The following DSE variants were observed in gnomAD, a reference collection of about 807,000 sequenced individuals.
DSE encodes the protein dermatan-sulfate epimerase.
In DSE, 36 loss-of-function variants were observed where a neutral mutation model predicts 84.4. The ratio of observed to expected loss-of-function variants is 0.43; its 90% CI spans 0.33 to 0.56. The LOEUF (loss-of-function observed/expected upper bound fraction) is 0.56. Among genes scored for constraint, DSE ranks in the 20% least tolerant of loss-of-function variants. The probability of loss-of-function intolerance (pLI) is 0.06; values close to 1 mark genes in which losing one functional copy is unlikely to be tolerated. For synonymous variants in DSE, 410 were observed against 430.1 expected, an observed-to-expected ratio of 0.95 and a Z score of 0.58; for missense variants, 862 against 1,169.6, an observed-to-expected ratio of 0.74 and a Z score of 3.84.
intron 1 of DSE, among the ~76,000 whole-genome samples, chr6:116,373,572 T>G (rs936343903): frequency 1.3e-5 from 2 of 152,164 alleles, no homozygotes; most frequent in Non-Finnish European, 2.9e-5. Context: ...TACATCTGCT[T>G]TAGTATTTAC....
intron 1 of DSE, among the ~76,000 whole-genome samples, chr6:116,386,029 C>G (rs189700664): frequency 3.9e-5 from 6 of 152,288 alleles, no homozygotes; most frequent in Non-Finnish European, 1.5e-5. Context: ...CAATGAACTT[C>G]CTTTTAGCCC....
At chr6:116,313,832 A>G (rs1775827177) in intron 2 of DSE, among the ~76,000 whole-genome samples, 1 of 152,206 alleles carries the variant, frequency 6.6e-6, no homozygotes, top group African/African-American at 2.4e-5. Context: ...TGCCTATCAT[A>G]TTGTCATTTA....
At chr6:116,313,267 A>T (rs1440457085) in intron 2 of DSE, among the ~76,000 whole-genome samples, 1 of 152,238 alleles carries the variant, frequency 6.6e-6, no homozygotes, top group African/African-American at 2.4e-5. Context: ...CAATACCTTG[A>T]ATTCTAACTT....
chr6:116,261,806 G>A (rs1023661213), intron 2 of DSE, among the ~76,000 whole-genome samples: 2 of 152,160 alleles, frequency 1.3e-5, no homozygotes, highest in Non-Finnish European at 2.9e-5. Context: ...TTAACATGAA[G>A]GAGTGTTGAA....
intron 2 of DSE, among the ~76,000 whole-genome samples, chr6:116,347,693 A>G (rs547857289): frequency 3.9e-4 from 59 of 152,366 alleles, no homozygotes; most frequent in African/African-American, 1.4e-3. Context: ...TAAAAACCCT[A>G]GAAGAAAACC....
intron 2 of DSE, among the ~76,000 whole-genome samples, chr6:116,364,414 C>G (rs1201512792): frequency 6.6e-6 from 1 of 152,214 alleles, no homozygotes; most frequent in Non-Finnish European, 1.5e-5. Context: ...TCGACTATTT[C>G]CCATCTAAAA....
chr6:116,372,102 A>C (rs1189371259), intron 1 of DSE, among the ~76,000 whole-genome samples: 1 of 152,210 alleles, frequency 6.6e-6, no homozygotes. Flanking sequence ...TGCATGAAAG[A>C]TCTCACTTAT....
At chr6:116,299,504 T>TATATATATATA (rs1562213203) in intron 2 of DSE, among the ~76,000 whole-genome samples, 5 of 11,514 alleles carry the variant, frequency 4.3e-4, no homozygotes, top group Non-Finnish European at 9.4e-4. Flanking sequence ...TGAATTATTT[T>TATATATATATA]TATATATATA....
chr6:116,314,956 A>C (rs1562224044), intron 2 of DSE, among the ~76,000 whole-genome samples: 1 of 152,230 alleles, frequency 6.6e-6, no homozygotes, highest in Non-Finnish European at 1.5e-5. Flanking sequence ...ATTCAGGTAC[A>C]GGAATCTGTG....
chr6:116,385,419 A>G (rs1360870579), intron 1 of DSE, among the ~76,000 whole-genome samples: 2 of 151,684 alleles, frequency 1.3e-5, no homozygotes, highest in South Asian at 2.1e-4. Flanking sequence ...AAGACATGGT[A>G]TGGCTGTATG....
At chr6:116,264,888 A>AACTT (rs1772555128) in intron 2 of DSE, among the ~76,000 whole-genome samples, 1 of 151,822 alleles carries the variant, frequency 6.6e-6, no homozygotes, top group Non-Finnish European at 1.5e-5. Flanking sequence ...ATTCTGGGGG[A>AACTT]ACTTATATTA....
At chr6:116,282,460 T>C (rs1023576618) in intron 2 of DSE, among the ~76,000 whole-genome samples, 4 of 152,200 alleles carry the variant, frequency 2.6e-5, no homozygotes, top group African/African-American at 4.8e-5. Context: ...ATTAACACTC[T>C]TACCAGTAAT....
intron 2 of DSE, among the ~76,000 whole-genome samples, chr6:116,336,954 A>G (rs1417943125): frequency 6.6e-6 from 1 of 152,222 alleles, no homozygotes; most frequent in African/African-American, 2.4e-5. Context: ...ATGACTATAG[A>G]TTCAAAGCAA....
chr6:116,333,308 C>T (rs1777061151), intron 2 of DSE, among the ~76,000 whole-genome samples: 1 of 151,984 alleles, frequency 6.6e-6, no homozygotes, highest in Admixed American at 6.6e-5. Context: ...GGTTGAGGGA[C>T]CATATTTGGT....
chr6:116,413,564 T>C (rs910258353), intron 2 of DSE, among the ~76,000 whole-genome samples: 5 of 152,226 alleles, frequency 3.3e-5, no homozygotes, highest in Non-Finnish European at 7.3e-5. Flanking sequence ...TTTCCGGGGC[T>C]GAATGGAATA....
chr6:116,286,959 A>G (rs1245244781), intron 2 of DSE, among the ~76,000 whole-genome samples: 1 of 152,150 alleles, frequency 6.6e-6, no homozygotes, highest in Non-Finnish European at 1.5e-5. Context: ...TGTGTCAGTC[A>G]TTGCATCATT....
chr6:116,359,137 A>T lies in DSE; in HGVS notation c.-53-40061A>T, dbSNP rs374646023. 7.2e-5 allele frequency among the ~76,000 whole-genome samples: 11 copies of T among 152,184 alleles called. No individual in the cohort carries two copies. In the East Asian group the frequency reaches 1.2e-3, roughly 16 times the overall value. On this transcript the variant is annotated intron_variant, in intron 2 of 3. Transcript: ENST00000430252. Reference sequence around the variant, plus strand: ...GAAACTTTAATATATATATATTTCTATATCTTTATTGTCTATCTTCCTATT... The same window carrying T: ...GAAACTTTAATATATATATATTTCTTTATCTTTATTGTCTATCTTCCTATT...
chr6:116,324,626 G>C (rs562773563), intron 2 of DSE, among the ~76,000 whole-genome samples: 1 of 152,330 alleles, frequency 6.6e-6, no homozygotes, highest in East Asian at 1.9e-4. Flanking sequence ...AAAATACAAA[G>C]AGAGCTGGCT....
intron 3 of DSE, among the ~76,000 whole-genome samples, chr6:116,428,049 C>T (rs1012821046): frequency 6.6e-6 from 1 of 152,074 alleles, no homozygotes; most frequent in African/African-American, 2.4e-5. Context: ...ATTAGCTGGG[C>T]GTTGTGGCGT....
Sources: allele counts gnomAD v4.1 joint callset (sites outside exome capture counted in the v4.1 genomes callset), GRCh38; gene constraint gnomAD v4.1.1; transcripts MANE v1.5; gene names NCBI Gene and HGNC (gene_info 2026-07-23, HGNC 2026-07-21).